Variants in MTMR2 observed in about 807,000 individuals in gnomAD.
MTMR2 encodes phosphatidylinositol-3,5-bisphosphate 3-phosphatase MTMR2.
MTMR2 carries 55 observed loss-of-function variants against 86.9 expected under a neutral mutation model. The observed-to-expected ratio is 0.63, with a 90% CI of 0.51 to 0.79. The LOEUF (loss-of-function observed/expected upper bound fraction) is 0.79, where lower values mean the gene tolerates loss of function less well. MTMR2 is among the 30% of genes least tolerant of loss of function. The pLI is 0.00. For synonymous variants in MTMR2, 241 were observed against 266.8 expected (o/e 0.90, Z 0.94); for missense variants, 659 against 772.3 (o/e 0.85, Z 1.74).
chr11:95,845,232 A>C, intron 10 of MTMR2, 73 bp from the exon 11 acceptor site: 2 of 1,230,322 alleles, frequency 1.6e-6, no homozygotes, highest in Non-Finnish European at 2.3e-6. Context: ...TTACTAATAC[A>C]GCTTATCAGG....
intron 2 of MTMR2, among the ~76,000 whole-genome samples, chr11:95,871,866 A>G (rs1347877872): frequency 6.6e-6 from 1 of 152,176 alleles, no homozygotes; most frequent in Non-Finnish European, 1.5e-5. Flanking sequence ...TTATGGTTTT[A>G]GGCCTAACAT....
intron 7 of MTMR2, among the ~76,000 whole-genome samples, chr11:95,851,511 C>T (rs924495395): frequency 1.3e-5 from 2 of 152,034 alleles, no homozygotes; most frequent in Non-Finnish European, 2.9e-5. Context: ...TACAGGCATG[C>T]GCCACCATGC....
chr11:95,842,036 T>C (rs1000404090), intron 11 of MTMR2, among the ~76,000 whole-genome samples: 2 of 152,142 alleles, frequency 1.3e-5, no homozygotes, highest in African/African-American at 4.8e-5. Context: ...AGGACTACAG[T>C]GAACTACGGT....
At chr11:95,841,350 A>T (rs1863538773) in intron 12 of MTMR2, among the ~76,000 whole-genome samples, 1 of 152,162 alleles carries the variant, frequency 6.6e-6, no homozygotes, top group South Asian at 2.1e-4. Flanking sequence ...AGGTGAGCCT[A>T]TTTAACACTA....
At chr11:95,900,336 G>A (rs1866025155) in intron 1 of MTMR2, among the ~76,000 whole-genome samples, 1 of 152,086 alleles carries the variant, frequency 6.6e-6, no homozygotes. Flanking sequence ...CCAGGGACAA[G>A]ATATAAAACA....
At position 95,923,603 on chromosome 11, in the gene MTMR2, GTAAT is replaced by G. The variant is rs1375865725; in HGVS notation, c.80+268_80+271del. 3.2e-6 allele frequency: 4 copies of G among 1,234,702 alleles called. No individual in the cohort carries two copies. In the African/African-American group the frequency reaches 4.5e-5, roughly 14 times the overall value. The allele number at this position is 1,234,702 out of a possible 1,614,324, so 76.5% of individuals were successfully genotyped here. Reference sequence around the variant, plus strand: ...GAGAGGGAATGAAAGACAGGAGAAAGTAATTAACTGGGACCACCTCCATCGGGGA... The same window carrying G: ...GAGAGGGAATGAAAGACAGGAGAAAGTAACTGGGACCACCTCCATCGGGGA... On this transcript the variant is annotated intron_variant, in intron 1 of 14. Transcript: ENST00000346299.
In MTMR2 at chr11:95,869,919, G is replaced by T. The variant is rs118014278; in HGVS notation, c.187-4243C>A. On this transcript the variant is annotated intron_variant, in intron 2 of 14. Coordinates refer to ENST00000346299, the MANE Select transcript of MTMR2 (RefSeq NM_016156.6). ...GAATGAGAGTGTGGACTGAAAAGGG[G>T]CATGATGAAAGTATCTGGGGTGACA... 3.8e-3 allele frequency among the ~76,000 whole-genome samples: 578 copies of T among 152,240 alleles called. 2 individuals carry two copies. The highest frequency in any genetic ancestry group is 6.8e-3 in the Middle Eastern group (2 of 294).
In MTMR2 at chr11:95,835,225, C is replaced by T; in HGVS notation, c.*65G>A. The T allele has an allele frequency of 2.6e-6, 4 of 1,537,484 alleles. No individual in the cohort carries two copies. Among genetic ancestry groups the T allele is most frequent in the Non-Finnish European group, 3.6e-6 (4 of 1,113,270 alleles). On this transcript the variant is annotated 3_prime_UTR_variant, in exon 15 of 15. Transcript: ENST00000346299. ...ATGGGTTCTAAATTCCGAAGACTTT[C>T]TACTCATAGAGCTGCCAGTGTAATC...
chr11:95,853,272 G>C (rs1864092927), intron 7 of MTMR2, among the ~76,000 whole-genome samples: 1 of 151,632 alleles, frequency 6.6e-6, no homozygotes, highest in Non-Finnish European at 1.5e-5. Flanking sequence ...CATCCAGTCA[G>C]TGACCAATTT....
chr11:95,907,554 C>A (rs1372589998), intron 1 of MTMR2, among the ~76,000 whole-genome samples: 1 of 151,992 alleles, frequency 6.6e-6, no homozygotes, highest in Non-Finnish European at 1.5e-5. Context: ...GGCAGACAGA[C>A]AACGAAAAAA....
At chr11:95,881,916 T>A (rs1218097313) in intron 2 of MTMR2, among the ~76,000 whole-genome samples, 3 of 152,228 alleles carry the variant, frequency 2.0e-5, no homozygotes, top group Non-Finnish European at 2.9e-5. Flanking sequence ...TTCTAGTATT[T>A]CATCATTAAG....
intron 2 of MTMR2, among the ~76,000 whole-genome samples, chr11:95,877,314 A>G (rs547086191): frequency 1.5e-4 from 22 of 144,938 alleles, no homozygotes; most frequent in African/African-American, 5.8e-4. Context: ...TACATTCAAG[A>G]TCAAGCACAG....
intron 11 of MTMR2, among the ~76,000 whole-genome samples, chr11:95,842,797 T>C (rs1863603012): frequency 6.6e-6 from 1 of 152,254 alleles, no homozygotes. Flanking sequence ...TAAAACTGCA[T>C]TCGTACCCAC....
At chr11:95,886,937 G>A (rs928297080) in intron 2 of MTMR2, among the ~76,000 whole-genome samples, 1 of 152,098 alleles carries the variant, frequency 6.6e-6, no homozygotes, top group African/African-American at 2.4e-5. Flanking sequence ...CCCTTTGTAT[G>A]CTTCAAGATA....
At chr11:95,887,754 T>C (rs1395296270) in intron 2 of MTMR2, 1 of 216,364 alleles carries the variant, frequency 4.6e-6, no homozygotes, top group Non-Finnish European at 9.2e-6. Flanking sequence ...TACAAGTTAT[T>C]ATCATCTGTA....
At chr11:95,836,789 G>T (rs1863305914) in intron 13 of MTMR2, among the ~76,000 whole-genome samples, 1 of 151,958 alleles carries the variant, frequency 6.6e-6, no homozygotes, top group Non-Finnish European at 1.5e-5. Context: ...CATATTAAAT[G>T]ATTCCATTTA....
At chr11:95,918,450 C>T (rs905329398) in intron 1 of MTMR2, among the ~76,000 whole-genome samples, 5 of 152,112 alleles carry the variant, frequency 3.3e-5, no homozygotes, top group African/African-American at 1.2e-4. Context: ...CAGATATATA[C>T]GGGACCCAGT....
At position 95,838,184 on chromosome 11, in the gene MTMR2, A is replaced by G; in HGVS notation, c.1503T>C (p.Asn501=). 2 of 1,605,722 alleles carry G rather than the reference A, an allele frequency of 1.2e-6. No individual in the cohort carries two copies. The highest frequency in any genetic ancestry group is 1.7e-6 in the Non-Finnish European group (2 of 1,172,700). ...CCAAAATGGTAATGAGAAAATACTC[A>G]TTGAATTCAAATGCGGTAGGAAACT... ...TRQFPTAFEF[N]EYFLITILDH... Residue 501 remains asparagine (N), a synonymous_variant, in exon 13 of 15, where the codon AAT becomes AAC. Coordinates refer to ENST00000346299, the MANE Select transcript of MTMR2 (RefSeq NM_016156.6).
intron 2 of MTMR2, among the ~76,000 whole-genome samples, chr11:95,878,620 T>G (rs1865210894): frequency 6.6e-6 from 1 of 152,112 alleles, no homozygotes; most frequent in Non-Finnish European, 1.5e-5. Context: ...AGTCATAATT[T>G]AATGCTTCCT....
Sources: allele counts gnomAD v4.1 joint callset (sites outside exome capture counted in the v4.1 genomes callset), GRCh38; gene constraint gnomAD v4.1.1; transcripts MANE v1.5; gene names NCBI Gene and HGNC (gene_info 2026-07-23, HGNC 2026-07-21).